MYOZ2: variants seen among roughly 807,000 people sequenced by gnomAD.
MYOZ2 encodes the protein myozenin-2.
A neutral mutation model predicts 25.4 loss-of-function variants in MYOZ2; 19 were observed. The observed-to-expected ratio is 0.75, with a 90% confidence interval of 0.52 to 1.10. The LOEUF (loss-of-function observed/expected upper bound fraction) is 1.10, where lower values mean the gene tolerates loss of function less well. MYOZ2 is among the 50% of genes least tolerant of loss of function. The pLI is 0.00. For missense variants in MYOZ2, 270 were observed against 317.9 expected, an observed-to-expected ratio of 0.85 and a Z score of 1.15; for synonymous variants, 92 against 106.9, an observed-to-expected ratio of 0.86 and a Z score of 0.86.
At chr4:119,155,843 G>A (rs528248421) in intron 3 of MYOZ2, among the ~76,000 whole-genome samples, 9 of 152,278 alleles carry the variant, frequency 5.9e-5, no homozygotes, top group African/African-American at 2.2e-4. Context: ...TATGAGCAAT[G>A]AGGATAACAG....
At position 119,186,276 on chromosome 4, in the gene MYOZ2, C is replaced by T; in HGVS notation, c.*76C>T. The T allele has an allele frequency of 8.2e-7, 1 of 1,214,642 alleles. No individual in the cohort carries two copies. The highest frequency in any genetic ancestry group is 1.2e-6 in the Non-Finnish European group (1 of 843,704). 75.2% of individuals were successfully genotyped at this position (1,214,642 alleles called of 1,614,324 possible). ...CTACTATTTTAACTACTGGCAAAGC[C>T]ACTTGCATTTTTCATTAGTAGCAAC... On this transcript the variant is annotated 3_prime_UTR_variant, in exon 6 of 6. Transcript: ENST00000307128.
At chr4:119,162,381 C>G (rs1741729148) in intron 4 of MYOZ2, among the ~76,000 whole-genome samples, 1 of 152,138 alleles carries the variant, frequency 6.6e-6, no homozygotes, top group South Asian at 2.1e-4. Flanking sequence ...AGGGGAAGAG[C>G]TGGCCAGTTA....
chr4:119,170,754 G>A (rs993759218), intron 5 of MYOZ2, among the ~76,000 whole-genome samples: 1 of 152,012 alleles, frequency 6.6e-6, no homozygotes, highest in Admixed American at 6.6e-5. Context: ...AGAGAGAGAA[G>A]CAATATTGAA....
chr4:119,187,245 A>G lies in MYOZ2; in HGVS notation c.*1045A>G, dbSNP rs1742313553. 1 of 152,204 alleles carries G rather than the reference A, an allele frequency of 6.6e-6. No individual in the cohort carries two copies. Among genetic ancestry groups the G allele is most frequent in the Non-Finnish European group, 1.5e-5 (1 of 68,016 alleles). The allele number at this position is 152,204 out of a possible 1,614,324, so 9.4% of individuals were successfully genotyped here. A position where few individuals can be genotyped will look rare whatever the true frequency, so the allele number is the denominator to read the frequency against. On this transcript the variant is annotated 3_prime_UTR_variant, in exon 6 of 6. Coordinates refer to ENST00000307128, the MANE Select transcript of MYOZ2 (RefSeq NM_016599.5). Reference sequence around the variant, plus strand: ...TAATATAAAGTTATAGTTATATCTTAAAATATAATTGAAGAAGCATATGAC... The same window carrying G: ...TAATATAAAGTTATAGTTATATCTTGAAATATAATTGAAGAAGCATATGAC...
intron 5 of MYOZ2, among the ~76,000 whole-genome samples, chr4:119,180,219 T>C (rs948125124): frequency 4.6e-5 from 7 of 152,184 alleles, no homozygotes; most frequent in Non-Finnish European, 8.8e-5. Context: ...GCTCTATAAA[T>C]TCTACCTTGT....
chr4:119,175,182 A>G (rs1392277004), intron 5 of MYOZ2, among the ~76,000 whole-genome samples: 1 of 152,102 alleles, frequency 6.6e-6, no homozygotes, highest in East Asian at 1.9e-4. Context: ...GATAAAACAG[A>G]AGGAAATGTT....
At chr4:119,183,141 T>C (rs530939111) in intron 5 of MYOZ2, among the ~76,000 whole-genome samples, 1 of 152,266 alleles carries the variant, frequency 6.6e-6, no homozygotes, top group African/African-American at 2.4e-5. Context: ...ATTATATAAG[T>C]ATATTGTAAC....
At chr4:119,154,902 T>C (rs1273381992) in intron 3 of MYOZ2, among the ~76,000 whole-genome samples, 1 of 140,276 alleles carries the variant, frequency 7.1e-6, no homozygotes, top group African/African-American at 2.5e-5. Flanking sequence ...ATGCCTTTCT[T>C]AGTCCATCCA....
At chr4:119,180,119 T>C (rs1237073271) in intron 5 of MYOZ2, among the ~76,000 whole-genome samples, 11 of 152,338 alleles carry the variant, frequency 7.2e-5, no homozygotes, top group Non-Finnish European at 1.6e-4. Flanking sequence ...TGTCAAGTAA[T>C]TTACCTTTGA....
intron 5 of MYOZ2, among the ~76,000 whole-genome samples, chr4:119,178,081 G>C (rs185602514): frequency 1.3e-5 from 2 of 152,174 alleles, no homozygotes; most frequent in Non-Finnish European, 2.9e-5. Context: ...ATCCAATGGT[G>C]AATTCTCAGT....
intron 4 of MYOZ2, 140 bp downstream of exon 4, chr4:119,158,291 G>A (rs895568151): frequency 2.0e-5 from 24 of 1,184,968 alleles, no homozygotes; most frequent in Non-Finnish European, 2.8e-5. Flanking sequence ...CCCAGGCACG[G>A]TGGCTCCCAA....
chr4:119,162,864 GA>G (rs1741741738), intron 4 of MYOZ2, among the ~76,000 whole-genome samples: 1 of 152,086 alleles, frequency 6.6e-6, no homozygotes, highest in Non-Finnish European at 1.5e-5. Context: ...GACCAAAATA[GA>G]AAAAGAAGCA....
chr4:119,172,454 C>T (rs374792385), intron 5 of MYOZ2, among the ~76,000 whole-genome samples: 1 of 152,114 alleles, frequency 6.6e-6, no homozygotes, highest in Admixed American at 6.5e-5. Flanking sequence ...TGTCCTCTTG[C>T]GCTGAGTCAG....
chr4:119,174,838 A>T (rs898926571), intron 5 of MYOZ2, among the ~76,000 whole-genome samples: 1 of 152,154 alleles, frequency 6.6e-6, no homozygotes, highest in Admixed American at 6.5e-5. Flanking sequence ...CGCTGCTTTT[A>T]TGAGCTGTAA....
At chr4:119,167,481 G>A (rs1054410297) in intron 5 of MYOZ2, among the ~76,000 whole-genome samples, 3 of 152,264 alleles carry the variant, frequency 2.0e-5, no homozygotes, top group Non-Finnish European at 4.4e-5. Context: ...GAAGCAGCAA[G>A]TGCAGATGTA....
chr4:119,158,785 G>A (rs1028119795), intron 4 of MYOZ2, among the ~76,000 whole-genome samples: 32 of 151,964 alleles, frequency 2.1e-4, no homozygotes, highest in Admixed American at 1.6e-3. Context: ...CTTTAATTTC[G>A]CAGTAACTCT....
intron 2 of MYOZ2, among the ~76,000 whole-genome samples, chr4:119,147,737 C>T (rs1162359001): frequency 2.9e-5 from 3 of 104,584 alleles, no homozygotes; most frequent in African/African-American, 5.8e-5. Context: ...GAGTAAGACT[C>T]TGTCTCAAAA....
chr4:119,167,668 A>C (rs2149226287), intron 5 of MYOZ2, among the ~76,000 whole-genome samples: 1 of 152,368 alleles, frequency 6.6e-6, no homozygotes, highest in South Asian at 2.1e-4. Flanking sequence ...AGAACAAGCT[A>C]ACTATCTCAC....
At chr4:119,142,596 T>C (rs373689924) in intron 2 of MYOZ2, among the ~76,000 whole-genome samples, 4 of 152,252 alleles carry the variant, frequency 2.6e-5, no homozygotes, top group African/African-American at 7.2e-5. Flanking sequence ...GTTTTTCTTA[T>C]GCCTTTTCCA....
Sources: gnomAD v4.1 joint callset for allele counts (sites outside exome capture counted in the v4.1 genomes callset) on GRCh38, gnomAD v4.1.1 for gene constraint, MANE v1.5 for transcripts, NCBI Gene and HGNC (gene_info 2026-07-23, HGNC 2026-07-21) for gene names.